The following MLLT10 variants were observed in gnomAD, a reference collection of about 807,000 sequenced individuals.
MLLT10 encodes the protein protein AF-10.
MLLT10 carries 30 observed loss-of-function variants against 129.1 expected under a neutral mutation model. The ratio of observed to expected loss-of-function variants is 0.23; its 90% CI spans 0.17 to 0.32. MLLT10 has a LOEUF of 0.32. Among genes scored for constraint, MLLT10 ranks in the 10% least tolerant of loss-of-function variants. The probability of loss-of-function intolerance (pLI) is 1.00; values close to 1 mark genes in which losing one functional copy is unlikely to be tolerated. For synonymous variants in MLLT10, 490 were observed against 446.4 expected, an observed-to-expected ratio of 1.10 and a Z score of -1.23; for missense variants, 1,119 against 1,268.3, an observed-to-expected ratio of 0.88 and a Z score of 1.79.
At chr10:21,636,441 T>A (rs545270456) in intron 8 of MLLT10, among the ~76,000 whole-genome samples, 4 of 152,350 alleles carry the variant, frequency 2.6e-5, no homozygotes, top group Non-Finnish European at 5.9e-5. Flanking sequence ...ATGATTTTTT[T>A]ATATTTTCAT....
intron 9 of MLLT10, among the ~76,000 whole-genome samples, chr10:21,657,988 A>G (rs1318851546): frequency 6.6e-6 from 1 of 152,134 alleles, no homozygotes; most frequent in Non-Finnish European, 1.5e-5. Flanking sequence ...TTGTCACTTT[A>G]TCTCTCTGTT....
intron 7 of MLLT10, among the ~76,000 whole-genome samples, chr10:21,615,930 C>A (rs2045209780): frequency 6.6e-6 from 1 of 152,124 alleles, no homozygotes. Flanking sequence ...GATATTAATA[C>A]ACTGAAGGTT....
At chr10:21,635,906 G>GTGAGCCGCTGCACC in intron 8 of MLLT10, among the ~76,000 whole-genome samples, 1 of 148,268 alleles carries the variant, frequency 6.7e-6, no homozygotes, top group South Asian at 2.1e-4. Context: ...GATTACAAGC[G>GTGAGCCGCTGCACC]TGAGCCGCTG....
chr10:21,550,795 G>A (rs2036871409), intron 3 of MLLT10, among the ~76,000 whole-genome samples: 1 of 152,124 alleles, frequency 6.6e-6, no homozygotes, highest in Admixed American at 6.6e-5. Flanking sequence ...GCCTACCAAA[G>A]TGCTGGGATT....
intron 8 of MLLT10, among the ~76,000 whole-genome samples, chr10:21,634,558 C>A (rs1403458313): frequency 6.6e-6 from 1 of 152,100 alleles, no homozygotes; most frequent in Non-Finnish European, 1.5e-5. Context: ...ATTTCTGTTC[C>A]CCAATAGTCT....
chr10:21,709,168 A>G (rs2055830315), intron 13 of MLLT10, among the ~76,000 whole-genome samples: 1 of 151,678 alleles, frequency 6.6e-6, no homozygotes, highest in Admixed American at 6.6e-5. Context: ...AATTTTAGAA[A>G]TTGGAGACTC....
chr10:21,545,337 C>T (rs2035900398), intron 3 of MLLT10, among the ~76,000 whole-genome samples: 1 of 150,714 alleles, frequency 6.6e-6, no homozygotes, highest in African/African-American at 2.4e-5. Context: ...AGGAAAAGAA[C>T]CTAAAAAGTA....
At chr10:21,640,877 GACAA>G (rs1490693925) in intron 8 of MLLT10, among the ~76,000 whole-genome samples, 1 of 152,162 alleles carries the variant, frequency 6.6e-6, no homozygotes, top group East Asian at 1.9e-4. Flanking sequence ...GTCCTTGATT[GACAA>G]ACAAATTCTT....
chr10:21,555,746 C>T (rs1396218047), intron 3 of MLLT10, among the ~76,000 whole-genome samples: 2 of 150,866 alleles, frequency 1.3e-5, no homozygotes, highest in African/African-American at 4.9e-5. Flanking sequence ...TGGGTCGCCA[C>T]AACCTCTGCC....
At chr10:21,585,753 T>C (rs2041924846) in intron 3 of MLLT10, among the ~76,000 whole-genome samples, 1 of 152,166 alleles carries the variant, frequency 6.6e-6, no homozygotes, top group Admixed American at 6.6e-5. Flanking sequence ...TAAAAAATTG[T>C]GGCAGGAGTT....
Position 21,697,684 on chromosome 10 carries a change from T to C in MLLT10, c.1699+15427T>C, listed in dbSNP as rs567848192. Among the ~76,000 whole-genome samples, 58 of 152,282 alleles carry C rather than the reference T, an allele frequency of 3.8e-4. No homozygotes were observed. In the South Asian group the frequency reaches 0.012, roughly 31 times the overall value. On this transcript the variant is annotated intron_variant, in intron 13 of 22. Coordinates refer to ENST00000307729, the MANE Select transcript of MLLT10 (RefSeq NM_001195626.3). ...TAGGAACACCAGTATTCCACTGAGA[T>C]TGCTGAGAGTCTCAGGAAAGAAAGG...
At position 21,610,533 on chromosome 10, in the gene MLLT10, C is replaced by T. The variant is rs193248582; in HGVS notation, c.406-1815C>T. Among the ~76,000 whole-genome samples the T allele has an allele frequency of 3.6e-3, 543 of 151,920 alleles. 12 individuals are homozygous for T. The highest frequency in any genetic ancestry group is 0.018 in the Middle Eastern group (5 of 284). On this transcript the variant is annotated intron_variant, in intron 5 of 22. Transcript: ENST00000307729. ...TTTCTGTATGTCGGTAGGACAATTC[C>T]AGAGACTACTTGACTGTTTTTCACC...
chr10:21,590,569 C>G (rs2042398635), intron 4 of MLLT10, among the ~76,000 whole-genome samples: 1 of 152,084 alleles, frequency 6.6e-6, no homozygotes, highest in Admixed American at 6.5e-5. Flanking sequence ...GAACTCCTGA[C>G]CTCAGGTGAT....
chr10:21,677,611 G>GA (rs1180214597), intron 11 of MLLT10, among the ~76,000 whole-genome samples: 1 of 151,978 alleles, frequency 6.6e-6, no homozygotes, highest in Non-Finnish European at 1.5e-5. Context: ...ATCATGACAG[G>GA]AAAAAAAGTC....
chr10:21,676,310 G>A (rs538381693), intron 11 of MLLT10, among the ~76,000 whole-genome samples: 4 of 151,980 alleles, frequency 2.6e-5, no homozygotes, highest in African/African-American at 9.6e-5. Context: ...CTAGCTACTC[G>A]GAGAGGCTGA....
At chr10:21,640,613 G>A (rs766522499) in intron 8 of MLLT10, among the ~76,000 whole-genome samples, 6 of 152,060 alleles carry the variant, frequency 3.9e-5, no homozygotes, top group Non-Finnish European at 5.9e-5. Context: ...GAGGAGCCCT[G>A]AGCTTAGGGC....
intron 5 of MLLT10, among the ~76,000 whole-genome samples, chr10:21,600,826 C>T (rs962634694): frequency 1.3e-5 from 2 of 152,114 alleles, no homozygotes; most frequent in Non-Finnish European, 2.9e-5. Flanking sequence ...TCTCTCTCTC[C>T]AGCCCCCCTC....
intron 4 of MLLT10, among the ~76,000 whole-genome samples, chr10:21,594,553 CAAAAAAA>C (rs34844830): frequency 7.0e-5 from 4 of 57,534 alleles, no homozygotes; most frequent in South Asian, 1.5e-3. Flanking sequence ...AACTCTGTCT[CAAAAAAA>C]AAAAAAAAAA....
At chr10:21,685,182 A>T (rs1202373923) in intron 13 of MLLT10, among the ~76,000 whole-genome samples, 1 of 152,192 alleles carries the variant, frequency 6.6e-6, no homozygotes, top group African/African-American at 2.4e-5. Flanking sequence ...AAAAGCTTTC[A>T]TTAGACAGTT....
Sources: gnomAD v4.1 joint callset for allele counts (sites outside exome capture counted in the v4.1 genomes callset) on GRCh38, gnomAD v4.1.1 for gene constraint, MANE v1.5 for transcripts, NCBI Gene and HGNC (gene_info 2026-07-23, HGNC 2026-07-21) for gene names.